Variants in HMGCL observed in about 807,000 individuals in gnomAD.
HMGCL encodes the protein 3-hydroxy-3-methylglutaryl-CoA lyase.
A neutral mutation model predicts 37.3 loss-of-function variants in HMGCL; 26 were observed. That is an observed-to-expected ratio of 0.70 (90% CI 0.51 to 0.97). The LOEUF is 0.97. Among genes scored for constraint, HMGCL ranks in the 50% least tolerant of loss-of-function variants. HMGCL has a pLI of 0.00. For missense variants in HMGCL, 379 were observed against 398.1 expected (o/e 0.95, Z 0.41); for synonymous variants, 151 against 148.0 (o/e 1.02, Z -0.15).
At position 23,802,543 on chromosome 1, in the gene HMGCL, G is replaced by C; in HGVS notation, c.898C>G (p.Leu300Val). The C allele has an allele frequency of 6.2e-7, 1 of 1,613,752 alleles. No individual in the cohort carries two copies. Residue 300 changes from leucine (L) to valine (V), a missense_variant, in exon 9 of 9, where the codon CTG becomes GTG. By Grantham distance (32) the Leu-to-Val change is conservative (BLOSUM62 1). Transcript: ENST00000374490. ...IHTGVNLQKL[L>V]EAGNFICQAL... ...TGACAGATAAAGTTTCCAGCTTCCA[G>C]AAGCTTCTGGAGATTCACACCCTTT...
chr1:23,805,971 T>TAGG (rs1638402759), intron 7 of HMGCL, among the ~76,000 whole-genome samples: 1 of 151,278 alleles, frequency 6.6e-6, no homozygotes, highest in South Asian at 2.1e-4. Flanking sequence ...ATAAGAAGTC[T>TAGG]CACTCTGTTG....
At chr1:23,819,847 A>G (rs1167506040) in intron 2 of HMGCL, among the ~76,000 whole-genome samples, 1 of 150,864 alleles carries the variant, frequency 6.6e-6, no homozygotes, top group Non-Finnish European at 1.5e-5. Flanking sequence ...TACAGGCATG[A>G]GCCACCACCA....
In HMGCL at chr1:23,810,771, A is replaced by G; in HGVS notation, c.526T>C (p.Tyr176His). Residue 176 changes from tyrosine (Y) to histidine (H), a missense_variant, in exon 6 of 9, where the codon TAT becomes CAT. Physicochemically the swap from Tyr to His is moderately conservative, Grantham distance 83. Transcript: ENST00000374490. ...GYVSCALGCP[Y>H]EGKISPAKVA... ...TTAGCTGGGGAGATCTTCCCTTCATAAGGGCAGCCAAGAGCACAGGAGACG... is the reference window on the plus strand; with the variant it reads ...TTAGCTGGGGAGATCTTCCCTTCATGAGGGCAGCCAAGAGCACAGGAGACG... 6.2e-7 allele frequency: 1 copy of G among 1,614,020 alleles called. No homozygotes were observed. The highest frequency in any genetic ancestry group is 8.5e-7 in the Non-Finnish European group (1 of 1,179,938).
Position 23,808,077 on chromosome 1 carries a change from TAAC to T in HMGCL, c.750+55_750+57del, listed in dbSNP as rs753261888. The T allele has an allele frequency of 1.3e-3, 1,847 of 1,476,134 alleles. 8 individuals carry two copies. Among genetic ancestry groups the T allele is most frequent in the Non-Finnish European group, 1.1e-3 (1,164 of 1,055,606 alleles). The allele number at this position is 1,476,134 out of a possible 1,614,324, so 91.4% of individuals were successfully genotyped here. A position where few individuals can be genotyped will look rare whatever the true frequency, so the allele number is the denominator to read the frequency against. ...AAATGTTTGCTGAAAGAATAAATGA[TAAC>T]AAGCTGTCCTGCCCACCGTGACCTT... On this transcript the variant is annotated intron_variant, in intron 7 of 8. Transcript: ENST00000374490.
intron 1 of HMGCL, 76 bp from the exon 2 acceptor site, chr1:23,820,669 T>C: frequency 6.6e-6 from 6 of 905,504 alleles, no homozygotes; most frequent in Non-Finnish European, 1.1e-5. Flanking sequence ...TATGAAAGAA[T>C]GGATCTATCT....
intron 6 of HMGCL, chr1:23,810,021 G>C (rs534648143): frequency 1.3e-5 from 2 of 153,294 alleles, no homozygotes; most frequent in Non-Finnish European, 2.9e-5. Flanking sequence ...TTCAATTTCT[G>C]CTTCTGAAAA....
intron 2 of HMGCL, among the ~76,000 whole-genome samples, chr1:23,818,163 A>T (rs1317392800): frequency 6.6e-6 from 1 of 152,232 alleles, no homozygotes; most frequent in Non-Finnish European, 1.5e-5. Context: ...AAAAATTCTA[A>T]GAACTCCAGG....
intron 1 of HMGCL, among the ~76,000 whole-genome samples, chr1:23,823,415 C>T (rs182697915): frequency 4.0e-5 from 6 of 151,812 alleles, no homozygotes; most frequent in South Asian, 2.1e-4. Flanking sequence ...AGCAGTGGCG[C>T]GATCTTGGCT....
intron 8 of HMGCL, among the ~76,000 whole-genome samples, chr1:23,803,067 T>C (rs1373010767): frequency 6.6e-6 from 1 of 152,110 alleles, no homozygotes; most frequent in Admixed American, 6.5e-5. Flanking sequence ...CAGAGTTTGC[T>C]CTTGTCGCCC....
chr1:23,813,826 C>G (rs1037620741), intron 5 of HMGCL: 51 of 331,868 alleles, frequency 1.5e-4, no homozygotes, highest in Admixed American at 4.2e-4. Context: ...CTGACCTCCA[C>G]AAACCCGTTA....
At chr1:23,821,329 C>A (rs772086261) in intron 1 of HMGCL, among the ~76,000 whole-genome samples, 9 of 150,754 alleles carry the variant, frequency 6.0e-5, no homozygotes, top group Non-Finnish European at 1.3e-4. Flanking sequence ...TGTACTCCAC[C>A]TTGGGCGACA....
At chr1:23,808,352 T>C (rs748977265) in intron 6 of HMGCL, 29 bp from the exon 7 acceptor site, 28 of 1,599,688 alleles carry the variant, frequency 1.8e-5, no homozygotes, top group South Asian at 2.2e-5. Flanking sequence ...ACTTGGAGGA[T>C]ACAGAATCCA....
chr1:23,824,830 C>A (rs1413533401), intron 1 of HMGCL, among the ~76,000 whole-genome samples: 8 of 152,164 alleles, frequency 5.3e-5, no homozygotes, highest in Non-Finnish European at 8.8e-5. Context: ...ACTTTTTCTG[C>A]GCTGAGAATG....
intron 4 of HMGCL, among the ~76,000 whole-genome samples, chr1:23,815,021 C>T (rs998316722): frequency 1.3e-5 from 2 of 151,930 alleles, no homozygotes; most frequent in African/African-American, 4.8e-5. Flanking sequence ...TCCTGGCTAA[C>T]ACAGTGAAAC....
Position 23,804,510 on chromosome 1 carries a change from C to T in HMGCL, c.766G>A (p.Val256Met), listed in dbSNP as rs764238653. The change falls in exon 8 of 9, where the codon GTG becomes ATG. Residue 256 changes from valine to methionine, a missense_variant. Coordinates refer to ENST00000374490, the MANE Select transcript of HMGCL (RefSeq NM_000191.3). ...CCAAGTCCTGCCACAGAAGAGTCCA[C>T]GACACTCACTCCCATCTAGAAACAT... The part of the protein sequence containing the change: ...LMALQMGVSV[V>M]DSSVAGLGGC... 18 of 1,613,974 alleles carry T rather than the reference C, an allele frequency of 1.1e-5. No individual in the cohort carries two copies. Among genetic ancestry groups the T allele is most frequent in the South Asian group, 6.6e-5 (6 of 91,084 alleles).
intron 6 of HMGCL, 60 bp downstream of exon 6, chr1:23,810,676 T>C (rs1221034057): frequency 1.4e-6 from 2 of 1,442,770 alleles, no homozygotes; most frequent in Admixed American, 3.4e-5. Context: ...ACCTATGCGC[T>C]CAGGGGCAGA....
chr1:23,802,365 C>A lies in HMGCL; in HGVS notation c.*98G>T. On this transcript the variant is annotated 3_prime_UTR_variant, in exon 9 of 9. Transcript: ENST00000374490. ...TAGAGCTGGCTATGAGGTACCTGCA[C>A]CATTTAACCTATTCTCATTTCCATG... The A allele has an allele frequency of 1.2e-6, 1 of 839,390 alleles. No individual in the cohort carries two copies. The allele number at this position is 839,390 out of a possible 1,614,324, so 52.0% of individuals were successfully genotyped here.
At chr1:23,803,005 A>G (rs982965124) in intron 8 of HMGCL, among the ~76,000 whole-genome samples, 1 of 152,190 alleles carries the variant, frequency 6.6e-6, no homozygotes, top group East Asian at 1.9e-4. Flanking sequence ...CTCTGTGCTC[A>G]GCTCTGTGAT....
chr1:23,820,810 G>C (rs1011771309), intron 1 of HMGCL, among the ~76,000 whole-genome samples: 12 of 152,138 alleles, frequency 7.9e-5, no homozygotes, highest in African/African-American at 2.9e-4. Context: ...TTCCAGTACC[G>C]GTTCTCCCCT....
Sources: allele counts gnomAD v4.1 joint callset (sites outside exome capture counted in the v4.1 genomes callset), GRCh38; gene constraint gnomAD v4.1.1; transcripts MANE v1.5; gene names NCBI Gene and HGNC (gene_info 2026-07-23, HGNC 2026-07-21).